MAP3K4: variants seen among roughly 807,000 people sequenced by gnomAD.
The protein encoded by MAP3K4 is MAP three kinase 1.
A neutral mutation model predicts 185.6 loss-of-function variants in MAP3K4; 67 were observed. That is an observed-to-expected ratio of 0.36 (90% confidence interval 0.30 to 0.44). MAP3K4 has a LOEUF of 0.44. MAP3K4 is among the 20% of genes least tolerant of loss of function. The pLI, the probability that MAP3K4 is intolerant of heterozygous loss-of-function variation, is 1.00. For missense variants in MAP3K4, 1,551 were observed against 1,995.1 expected, an observed-to-expected ratio of 0.78 and a Z score of 4.24; for synonymous variants, 702 against 710.4, an observed-to-expected ratio of 0.99 and a Z score of 0.19.
rs992829303 is a variant in MAP3K4, at chr6:161,075,761, T to A, written c.2097+2149T>A. Among the ~76,000 whole-genome samples the A allele has an allele frequency of 1.3e-5, 2 of 152,172 alleles. No homozygotes were observed. The highest frequency in any genetic ancestry group is 4.8e-5 in the African/African-American group (2 of 41,442). ...TACCAACATTCACAGCTGGTTAGTT[T>A]TAGAAAGGCTTAGAGTTTAGTTTTG... On this transcript the variant is annotated intron_variant, in intron 5 of 26. Transcript: ENST00000392142. This position sits in a 1 kb window ranked among gnomAD's most constrained non-coding sequence, Gnocchi z 4.3.
At position 161,084,926 on chromosome 6, in the gene MAP3K4, C is replaced by T. The variant is rs146391119; in HGVS notation, c.2372+309C>T. Among the ~76,000 whole-genome samples, 251 of 152,216 alleles carry T rather than the reference C, an allele frequency of 1.6e-3. 10 individuals carry two copies. The East Asian group carries it at 0.047, about 28-fold the overall frequency. On this transcript the variant is annotated intron_variant, in intron 7 of 26. Transcript: ENST00000392142. The surrounding 1 kb of genome is among the most constrained non-coding windows in gnomAD (Gnocchi z 4.6). ...CTTTGGGAGGCCGAGGTGGGTGAATCACCAGGTCAGGAGTTCAAGACCAGC... is the reference window on the plus strand; with the variant it reads ...CTTTGGGAGGCCGAGGTGGGTGAATTACCAGGTCAGGAGTTCAAGACCAGC...
intron 6 of MAP3K4, among the ~76,000 whole-genome samples, chr6:161,081,291 G>A (rs1785442632): frequency 6.6e-6 from 1 of 151,024 alleles, no homozygotes; most frequent in Non-Finnish European, 1.5e-5. Flanking sequence ...CTGGCAGCGA[G>A]TGGGCGGGGG....
Position 161,073,016 on chromosome 6 carries a change from C to T in MAP3K4, c.1951-450C>T, listed in dbSNP as rs1785019249. Among the ~76,000 whole-genome samples, 1 of 152,096 alleles carries T rather than the reference C, an allele frequency of 6.6e-6. No individual in the cohort carries two copies. Among genetic ancestry groups the T allele is most frequent in the South Asian group, 2.1e-4 (1 of 4,824 alleles). On this transcript the variant is annotated intron_variant, in intron 4 of 26. Coordinates refer to ENST00000392142, the MANE Select transcript of MAP3K4 (RefSeq NM_005922.4). The surrounding 1 kb of genome is among the most constrained non-coding windows in gnomAD (Gnocchi z 4.2). ...CACAAATCACAGTAGGTAAACTATG[C>T]TAAATTATTGCGAAGGCCACCTGCT...
chr6:161,025,966 A>G (rs1782630288), intron 1 of MAP3K4, among the ~76,000 whole-genome samples: 1 of 151,992 alleles, frequency 6.6e-6, no homozygotes, highest in African/African-American at 2.4e-5. Flanking sequence ...CATGATGTTT[A>G]TTTTTTGTTG....
In MAP3K4 at chr6:161,075,643, G is replaced by A. The variant is rs1785138366; in HGVS notation, c.2097+2031G>A. On this transcript the variant is annotated intron_variant, in intron 5 of 26. Coordinates refer to ENST00000392142, the MANE Select transcript of MAP3K4 (RefSeq NM_005922.4). The surrounding 1 kb of genome is among the most constrained non-coding windows in gnomAD (Gnocchi z 4.3). ...TGTAGTGGCAGGGGAGCAGGGTGAG[G>A]AGCATCAGGCATGTGAACCACGCCT... Among the ~76,000 whole-genome samples the A allele has an allele frequency of 6.6e-6, 1 of 152,196 alleles. No individual in the cohort carries two copies. The highest frequency in any genetic ancestry group is 2.1e-4 in the South Asian group (1 of 4,828).
Position 161,070,712 on chromosome 6 carries a change from G to A in MAP3K4, c.1812G>A (p.Leu604=). ...EKCSAVSWEE[L]KAMDLPSFEP... is the part of the protein sequence containing the mutation. The stretch of plus-strand genomic sequence containing the variant: ...GCAGTGCTGTGTCGTGGGAGGAGCT[G>A]AAGGCCATGGATTTACCTTCATTCG... The change falls in exon 4 of 27, where the codon CTG becomes CTA. Residue 604 remains leucine, a synonymous_variant. Transcript: ENST00000392142. The surrounding 1 kb of genome is among the most constrained non-coding windows in gnomAD (Gnocchi z 4.5). 6.2e-7 allele frequency: 1 copy of A among 1,614,130 alleles called. No homozygotes were observed. Among genetic ancestry groups the A allele is most frequent in the Non-Finnish European group, 8.5e-7 (1 of 1,180,036 alleles).
intron 2 of MAP3K4, among the ~76,000 whole-genome samples, chr6:161,041,365 G>T (rs1465397914): frequency 6.6e-6 from 1 of 152,208 alleles, no homozygotes; most frequent in East Asian, 1.9e-4. Context: ...TCTCTACGCT[G>T]CCAGTCATCC....
chr6:161,079,869 T>C (rs1219789276), intron 5 of MAP3K4, among the ~76,000 whole-genome samples: 1 of 152,200 alleles, frequency 6.6e-6, no homozygotes, highest in Non-Finnish European at 1.5e-5. Flanking sequence ...AGAATAGACT[T>C]CAGATTTGCC....
intron 1 of MAP3K4, among the ~76,000 whole-genome samples, chr6:160,995,949 A>C (rs765127907): frequency 6.6e-6 from 1 of 152,224 alleles, no homozygotes; most frequent in Non-Finnish European, 1.5e-5. Flanking sequence ...AAATTTAACA[A>C]TTAACTTTTT....
rs968255068 is a variant in MAP3K4, at chr6:161,109,375, A to C, written c.4237-380A>C. Among the ~76,000 whole-genome samples, 1 of 152,182 alleles carries C rather than the reference A, an allele frequency of 6.6e-6. No homozygotes were observed. Among genetic ancestry groups the C allele is most frequent in the African/African-American group, 2.4e-5 (1 of 41,444 alleles). ...GGAAGTTGGAAATGGATCATTTTTA[A>C]TGTTTTTACAAATTATGTTTAAAAA... On this transcript the variant is annotated intron_variant, in intron 22 of 26. Coordinates refer to ENST00000392142, the MANE Select transcript of MAP3K4 (RefSeq NM_005922.4). This position sits in a 1 kb window ranked among gnomAD's most constrained non-coding sequence, Gnocchi z 5.7.
intron 2 of MAP3K4, among the ~76,000 whole-genome samples, chr6:161,041,160 A>T (rs1450374490): frequency 1.3e-5 from 2 of 152,204 alleles, no homozygotes; most frequent in Non-Finnish European, 2.9e-5. Flanking sequence ...CCCAAGGAAT[A>T]GCAGGAGGAC....
chr6:161,029,946 G>GT (rs1782846509), intron 1 of MAP3K4, among the ~76,000 whole-genome samples: 1 of 152,100 alleles, frequency 6.6e-6, no homozygotes. Flanking sequence ...CTCAAACTAA[G>GT]TTTTCTCTGG....
rs777639878 is a variant in MAP3K4 at position 161,097,808 on chromosome 6, C to T, written c.3525-470C>T. On this transcript the variant is annotated intron_variant, in intron 16 of 26. Transcript: ENST00000392142. This position sits in a 1 kb window ranked among gnomAD's most constrained non-coding sequence, Gnocchi z 4.9. ...TTTTTTTTTAAAGCTTTGAGGGGAC[C>T]GGGGTGCGGTGACTCACGCCTGTAA... Among the ~76,000 whole-genome samples the T allele has an allele frequency of 4.3e-4, 65 of 151,828 alleles. 1 individual carries two copies. The highest frequency in any genetic ancestry group is 2.1e-4 in the South Asian group (1 of 4,804).
At chr6:160,992,793 C>CT (rs1442373844) in intron 1 of MAP3K4, among the ~76,000 whole-genome samples, 1 of 152,128 alleles carries the variant, frequency 6.6e-6, no homozygotes, top group African/African-American at 2.4e-5. Flanking sequence ...CTTCCATACT[C>CT]TATTAACTTA....
In MAP3K4 at chr6:161,074,925, C is replaced by A. The variant is rs1008673000; in HGVS notation, c.2097+1313C>A. Reference sequence around the variant, plus strand: ...TGGCAACCCCACCCAGCACATTTCCCCTGCCTTTTGTTGACCAGACCTGTT... The same window carrying A: ...TGGCAACCCCACCCAGCACATTTCCACTGCCTTTTGTTGACCAGACCTGTT... On this transcript the variant is annotated intron_variant, in intron 5 of 26. Coordinates refer to ENST00000392142, the MANE Select transcript of MAP3K4 (RefSeq NM_005922.4). This position sits in a 1 kb window ranked among gnomAD's most constrained non-coding sequence, Gnocchi z 5.0. 6.6e-6 allele frequency among the ~76,000 whole-genome samples: 1 copy of A among 152,152 alleles called. No homozygotes were observed. The highest frequency in any genetic ancestry group is 2.4e-5 in the African/African-American group (1 of 41,434).
At chr6:160,993,876 A>G (rs1780867168) in intron 1 of MAP3K4, among the ~76,000 whole-genome samples, 2 of 152,218 alleles carry the variant, frequency 1.3e-5, no homozygotes, top group South Asian at 4.1e-4. Flanking sequence ...TCTTAGCAAC[A>G]TTGCAGTTAA....
chr6:161,000,479 AG>A (rs1018218293), intron 1 of MAP3K4, among the ~76,000 whole-genome samples: 7 of 152,340 alleles, frequency 4.6e-5, no homozygotes, highest in African/African-American at 1.7e-4. Flanking sequence ...TTGTCTCTCA[AG>A]GTTGTTCTCT....
At position 161,098,152 on chromosome 6, in the gene MAP3K4, C is replaced by G; in HGVS notation, c.3525-126C>G. The G allele has an allele frequency of 2.6e-6, 3 of 1,149,812 alleles. No individual in the cohort carries two copies. Among genetic ancestry groups the G allele is most frequent in the Non-Finnish European group, 3.7e-6 (3 of 819,324 alleles). The allele number at this position is 1,149,812 out of a possible 1,614,324, so 71.2% of individuals were successfully genotyped here. A position where few individuals can be genotyped will look rare whatever the true frequency, so the allele number is the denominator to read the frequency against. ...ACACCTAGACTCAAATCTCAAAGAA[C>G]AATTTGCATTTTATATTTTTAAATA... On this transcript the variant is annotated intron_variant, in intron 16 of 26. Coordinates refer to ENST00000392142, the MANE Select transcript of MAP3K4 (RefSeq NM_005922.4). This position sits in a 1 kb window ranked among gnomAD's most constrained non-coding sequence, Gnocchi z 4.4.
At chr6:161,026,707 T>C (rs1308113164) in intron 1 of MAP3K4, among the ~76,000 whole-genome samples, 2 of 151,496 alleles carry the variant, frequency 1.3e-5, no homozygotes, top group Non-Finnish European at 2.9e-5. Flanking sequence ...CTCATTTATA[T>C]TGGAATGCCC....
Sources: allele counts gnomAD v4.1 joint callset (sites outside exome capture counted in the v4.1 genomes callset), GRCh38; gene constraint gnomAD v4.1.1; non-coding constraint Gnocchi (gnomAD v3.1); transcripts MANE v1.5; gene names NCBI Gene and HGNC (gene_info 2026-07-23, HGNC 2026-07-21).